Variants in KYAT1 observed in about 807,000 individuals in gnomAD.
KYAT1 encodes kynurenine--oxoglutarate transaminase 1.
In KYAT1, 47 loss-of-function variants were observed where a neutral mutation model predicts 52.4. The observed-to-expected ratio is 0.90, with a 90% CI of 0.71 to 1.14. KYAT1 has a LOEUF of 1.14. Ranked by LOEUF, KYAT1 falls within the 50% of genes most tolerant of loss-of-function variation. The probability of loss-of-function intolerance (pLI) is 0.00; values close to 1 mark genes in which losing one functional copy is unlikely to be tolerated. For synonymous variants in KYAT1, 212 were observed against 209.6 expected (o/e 1.01, Z -0.10); for missense variants, 480 against 557.9 (o/e 0.86, Z 1.41).
chr9:128,881,103 C>T (rs1233399526), intron 1 of KYAT1, among the ~76,000 whole-genome samples: 1 of 152,108 alleles, frequency 6.6e-6, no homozygotes, highest in African/African-American at 2.4e-5. Flanking sequence ...TTTTTTTAGA[C>T]GGAGTCTCGC....
In KYAT1 at chr9:128,833,841, G is replaced by A. The variant is rs776680925; in HGVS notation, c.1123-15C>T. 6 of 1,610,348 alleles carry A rather than the reference G, an allele frequency of 3.7e-6. No homozygotes were observed. The highest frequency in any genetic ancestry group is 5.1e-6 in the Non-Finnish European group (6 of 1,176,736). Reference sequence around the variant, plus strand: ...GCCACCAAGCCCTGGGGAGGAGGAAGGACATGTCTCAACACGGCCTCGTGG... The same window carrying A: ...GCCACCAAGCCCTGGGGAGGAGGAAAGACATGTCTCAACACGGCCTCGTGG... On this transcript the variant is annotated splice_polypyrimidine_tract_variant and intron_variant, in intron 11 of 12. Transcript: ENST00000302586.
chr9:128,877,044 A>T (rs932608318), intron 1 of KYAT1, among the ~76,000 whole-genome samples: 1 of 151,946 alleles, frequency 6.6e-6, no homozygotes, highest in African/African-American at 2.4e-5. Context: ...GATTACAGGC[A>T]CCCACCATCA....
At position 128,835,550 on chromosome 9, in the gene KYAT1, G is replaced by A. The variant is rs1830903404; in HGVS notation, c.973C>T (p.Gln325Ter). 1.2e-6 allele frequency: 2 copies of A among 1,613,670 alleles called. No homozygotes were observed. The highest frequency in any genetic ancestry group is 2.2e-5 in the South Asian group (2 of 91,086). Residue 325 changes from glutamine (Q) to a stop codon, truncating the protein, a stop_gained, in exon 10 of 13, where the codon CAG becomes TAG. Coordinates refer to ENST00000302586, the MANE Select transcript of KYAT1 (RefSeq NM_004059.5). LOFTEE classifies it high-confidence loss of function. ...ATGATGGGCTTCAGGCCCACTGACT[G>A]TAGGCTACGTATCATGTGGTCACGG... ...RCRDHMIRSL[Q>*]SVGLKPIIPQ...
chr9:128,858,469 G>A (rs1213557409), intron 1 of KYAT1, among the ~76,000 whole-genome samples: 10 of 145,324 alleles, frequency 6.9e-5, no homozygotes, highest in South Asian at 2.2e-4. Context: ...AGGCCAAGGC[G>A]GGCAGATCAC....
rs7028231 is a variant in KYAT1, at chr9:128,849,886, T to C, written c.-6-4475A>G. Among the ~76,000 whole-genome samples the C allele has an allele frequency of 9.1e-3, 602 of 65,842 alleles. 12 individuals are homozygous for C. The highest frequency in any genetic ancestry group is 0.058 in the African/African-American group (434 of 7,482). The allele number at this position is 65,842 out of a possible 152,430, so 43.2% of individuals were successfully genotyped here. On this transcript the variant is annotated intron_variant, in intron 1 of 12. Coordinates refer to ENST00000302586, the MANE Select transcript of KYAT1 (RefSeq NM_004059.5). Reference sequence around the variant, plus strand: ...CATATAAATTTTTTATTTTCTTCTTTTTTTTTTTTTTTTTTTGAGATAGGG... The same window carrying C: ...CATATAAATTTTTTATTTTCTTCTTCTTTTTTTTTTTTTTTTGAGATAGGG...
chr9:128,867,854 G>A (rs1178640528), intron 1 of KYAT1, among the ~76,000 whole-genome samples: 2 of 151,882 alleles, frequency 1.3e-5, no homozygotes, highest in African/African-American at 2.4e-5. Flanking sequence ...CTCACTGCAA[G>A]CTCTGCCTCC....
At chr9:128,851,934 T>C (rs1834004799) in intron 1 of KYAT1, among the ~76,000 whole-genome samples, 1 of 152,058 alleles carries the variant, frequency 6.6e-6, no homozygotes, top group South Asian at 2.1e-4. Context: ...GCCGAGTGAG[T>C]GCTGGGGGAG....
chr9:128,864,613 T>C (rs1302063541), intron 1 of KYAT1, among the ~76,000 whole-genome samples: 1 of 152,010 alleles, frequency 6.6e-6, no homozygotes, highest in African/African-American at 2.4e-5. Context: ...ATTATTTATT[T>C]ACTTATTTTT....
chr9:128,836,027 G>C lies in KYAT1; in HGVS notation c.735C>G (p.Ala245=). The change falls in exon 8 of 13, where the codon GCC becomes GCG. Residue 245 remains alanine (A), a synonymous_variant. Coordinates refer to ENST00000302586, the MANE Select transcript of KYAT1 (RefSeq NM_004059.5). The stretch of plus-strand genomic sequence containing the variant: ...AGCCAGTGGCGCTGAAGGTCTTGCC[G>C]GCGCTGCCGATGGTCAGGGTCCGTT... ...MWERTLTIGS[A]GKTFSATGWK... is the part of the protein sequence containing the mutation. 6.2e-7 allele frequency: 1 copy of C among 1,613,864 alleles called. No individual in the cohort carries two copies.
chr9:128,882,351 C>T (rs534982168), upstream of KYAT1: 6 of 193,720 alleles, frequency 3.1e-5, no homozygotes, highest in Middle Eastern at 1.8e-3. Context: ...CCCGGGGCAT[C>T]TGGGGCTCTG....
chr9:128,867,167 C>T (rs530213219), intron 1 of KYAT1, among the ~76,000 whole-genome samples: 3 of 152,196 alleles, frequency 2.0e-5, no homozygotes, highest in Admixed American at 6.5e-5. Context: ...TCAACACTTC[C>T]TCTCCTAAAA....
At chr9:128,836,207 ATTT>A (rs531993591) in intron 7 of KYAT1, 134 bp from the exon 8 acceptor site, 4 of 574,848 alleles carry the variant, frequency 7.0e-6, no homozygotes, top group African/African-American at 3.9e-5. Flanking sequence ...TATTTGCACA[ATTT>A]TTTTTCTTTC....
chr9:128,860,900 T>G (rs926472144), intron 1 of KYAT1, among the ~76,000 whole-genome samples: 2 of 152,154 alleles, frequency 1.3e-5, no homozygotes, highest in African/African-American at 2.4e-5. Context: ...TATATGGGCA[T>G]GGTTTGTGGT....
chr9:128,866,654 A>G (rs1273082054), intron 1 of KYAT1, among the ~76,000 whole-genome samples: 2 of 151,790 alleles, frequency 1.3e-5, no homozygotes, highest in Admixed American at 6.6e-5. Flanking sequence ...TCATGCCTGT[A>G]ATCCCAGCAC....
chr9:128,857,531 G>C (rs998748270), intron 1 of KYAT1, among the ~76,000 whole-genome samples: 3 of 152,192 alleles, frequency 2.0e-5, no homozygotes, highest in African/African-American at 4.8e-5. Flanking sequence ...TTAATTCAAA[G>C]TGAATCACAT....
At chr9:128,841,848 G>A (rs1311797455) in intron 3 of KYAT1, among the ~76,000 whole-genome samples, 1 of 151,970 alleles carries the variant, frequency 6.6e-6, no homozygotes, top group Non-Finnish European at 1.5e-5. Flanking sequence ...AGCTGGGTGA[G>A]GTGGCATGCC....
At chr9:128,843,796 C>A (rs1283857282) in intron 2 of KYAT1, among the ~76,000 whole-genome samples, 1 of 152,218 alleles carries the variant, frequency 6.6e-6, no homozygotes, top group Admixed American at 6.5e-5. Context: ...CTACTCTATT[C>A]TTTCCAAATA....
intron 1 of KYAT1, among the ~76,000 whole-genome samples, chr9:128,857,806 A>G (rs1189175164): frequency 6.6e-6 from 1 of 152,252 alleles, no homozygotes; most frequent in Non-Finnish European, 1.5e-5. Flanking sequence ...ACTGCACTCC[A>G]GCCTGGGCGA....
intron 1 of KYAT1, among the ~76,000 whole-genome samples, chr9:128,880,444 GA>G (rs1838661318): frequency 6.7e-6 from 1 of 149,022 alleles, no homozygotes; most frequent in Non-Finnish European, 1.5e-5. Context: ...TCCTGGCTAT[GA>G]TTTTTTTTTT....
Sources: allele counts gnomAD v4.1 joint callset (sites outside exome capture counted in the v4.1 genomes callset), GRCh38; gene constraint gnomAD v4.1.1; transcripts MANE v1.5; gene names NCBI Gene and HGNC (gene_info 2026-07-23, HGNC 2026-07-21).